PPP1CC: variants seen among roughly 807,000 people sequenced by gnomAD.
PPP1CC encodes protein phosphatase 1 catalytic subunit gamma.
PPP1CC carries 16 observed loss-of-function variants against 38.4 expected under a neutral mutation model. The ratio of observed to expected loss-of-function variants is 0.42; its 90% CI spans 0.28 to 0.63. The LOEUF is 0.63. PPP1CC is among the 30% of genes least tolerant of loss of function. The pLI is 0.25. For synonymous variants in PPP1CC, 158 were observed against 136.0 expected (o/e 1.16, Z -1.13); for missense variants, 170 against 391.3 (o/e 0.43, Z 4.77).
At chr12:110,741,261 A>T (rs2070014337) in intron 1 of PPP1CC, among the ~76,000 whole-genome samples, 1 of 152,192 alleles carries the variant, frequency 6.6e-6, no homozygotes, top group African/African-American at 2.4e-5. Flanking sequence ...AGATATTTTC[A>T]GGAGCTTCAT....
At chr12:110,712,416 G>C in the PPP1CC span, among the ~76,000 whole-genome samples, 78 of 151,808 alleles carry the variant, frequency 5.1e-4, 1 homozygote, top group African/African-American at 1.9e-3. Context: ...AAGGTGGGTG[G>C]ATGGCTTGAG....
At chr12:110,742,102 A>C (rs892257021) in intron 1 of PPP1CC, among the ~76,000 whole-genome samples, 6 of 152,178 alleles carry the variant, frequency 3.9e-5, no homozygotes, top group African/African-American at 7.2e-5. Context: ...ACCTCTTGAG[A>C]CATGAACGCT....
intron 6 of PPP1CC, chr12:110,721,507 C>A (rs929514769): frequency 5.5e-6 from 1 of 182,758 alleles, no homozygotes; most frequent in Non-Finnish European, 1.1e-5. Flanking sequence ...GGGATCCTTG[C>A]ACAATCTTTG....
chr12:110,737,298 TA>T (rs2069954124), intron 1 of PPP1CC, among the ~76,000 whole-genome samples: 1 of 150,326 alleles, frequency 6.7e-6, no homozygotes, highest in Non-Finnish European at 1.5e-5. Flanking sequence ...GCCAACATGG[TA>T]AAACCCCATC....
chr12:110,730,265 A>AGGAGGATTGCTTGAGCCTGGGAGGC (rs1254105772), intron 3 of PPP1CC, among the ~76,000 whole-genome samples: 2 of 152,240 alleles, frequency 1.3e-5, no homozygotes, highest in South Asian at 4.1e-4. Flanking sequence ...AGGCTGAGGC[A>AGGAGGATTGCTTGAGCCTGGGAGGC]GGAGGATTGC....
At chr12:110,726,804 C>CAAAAACA (rs2069804757) in intron 3 of PPP1CC, 1 of 152,026 alleles carries the variant, frequency 6.6e-6, no homozygotes, top group Admixed American at 6.5e-5. Context: ...AAATTAAAAA[C>CAAAAACA]AAAAACAAAA....
chr12:110,724,581 A>G (rs2069774396), intron 4 of PPP1CC, 79 bp downstream of exon 4: 2 of 817,354 alleles, frequency 2.4e-6, no homozygotes, highest in East Asian at 5.0e-5. Flanking sequence ...AGTCATCCCA[A>G]TGATAACTCA....
rs748044537 is a variant in PPP1CC at position 110,722,620 on chromosome 12, A to C, written c.599T>G (p.Leu200Arg). 2 of 1,614,204 alleles carry C rather than the reference A, an allele frequency of 1.2e-6. No individual in the cohort carries two copies. Among genetic ancestry groups the C allele is most frequent in the Middle Eastern group, 1.6e-4 (1 of 6,062 alleles). ...GTCAGACCACAAAAGATCACAAAGAAGACCTTGATCTGGTACATCAGTTGG... is the reference window on the plus strand; with the variant it reads ...GTCAGACCACAAAAGATCACAAAGACGACCTTGATCTGGTACATCAGTTGG... ...MRPTDVPDQG[L>R]LCDLLWSDPD... The change falls in exon 5 of 7, where the codon CTT becomes CGT. Residue 200 changes from leucine (L) to arginine (R), a missense_variant. By Grantham distance (102) the Leu-to-Arg change is moderately radical. Around this residue, in one of 3 missense-constraint regions of PPP1CC, gnomAD observed 117 missense variants for 344.4 expected, o/e 0.34. Coordinates refer to ENST00000335007, the MANE Select transcript of PPP1CC (RefSeq NM_002710.4). This position sits in a 1 kb window ranked among gnomAD's most constrained non-coding sequence, Gnocchi z 5.4.
In PPP1CC at chr12:110,741,861, C is replaced by T. The variant is rs565109942; in HGVS notation, c.55+792G>A. On this transcript the variant is annotated intron_variant, in intron 1 of 6. Transcript: ENST00000335007. ...TTAAATGAAATCTGTCTTAAGTGCT[C>T]AAAGAATGCCTGACACACAGTAAGC... 4.6e-5 allele frequency among the ~76,000 whole-genome samples: 7 copies of T among 151,978 alleles called. No individual in the cohort carries two copies. The South Asian group carries it at 1.5e-3, about 32-fold the overall frequency.
intron 3 of PPP1CC, among the ~76,000 whole-genome samples, chr12:110,728,840 T>C (rs565415085): frequency 6.6e-6 from 1 of 152,226 alleles, no homozygotes; most frequent in East Asian, 1.9e-4. Flanking sequence ...AAACATCCAG[T>C]TGTGGGAAAG....
chr12:110,741,645 A>C (rs2070018288), intron 1 of PPP1CC, among the ~76,000 whole-genome samples: 1 of 152,182 alleles, frequency 6.6e-6, no homozygotes, highest in African/African-American at 2.4e-5. Flanking sequence ...ACCTTTACTT[A>C]ACCACTGGCC....
rs1229048105 is a variant in PPP1CC, at chr12:110,742,832, C to G, written c.-125G>C. The G allele has an allele frequency of 1.5e-5, 9 of 606,262 alleles. No individual in the cohort carries two copies. The highest frequency in any genetic ancestry group is 6.0e-5 in the South Asian group (1 of 16,710). The allele number at this position is 606,262 out of a possible 1,614,324, so 37.6% of individuals were successfully genotyped here. A position where few individuals can be genotyped will look rare whatever the true frequency, so the allele number is the denominator to read the frequency against. On this transcript the variant is annotated 5_prime_UTR_variant, in exon 1 of 7. Transcript: ENST00000335007. ...GGCGGTGGCAGCAGCCGCGGCGGGT[C>G]CCCCCCCTGCCACCCCGCTCCCTAC... is the stretch of plus-strand genomic sequence containing the variant.
downstream of PPP1CC, among the ~76,000 whole-genome samples, chr12:110,715,821 A>G (rs1172704311): frequency 6.6e-6 from 1 of 151,788 alleles, no homozygotes; most frequent in Non-Finnish European, 1.5e-5. Flanking sequence ...GGATTTCTCC[A>G]TGTTGCCCAG....
At chr12:110,730,419 G>A in intron 3 of PPP1CC, 110 bp downstream of exon 3, 1 of 867,862 alleles carries the variant, frequency 1.2e-6, no homozygotes, top group Non-Finnish European at 1.8e-6. Flanking sequence ...CATGAGAGAT[G>A]ATACCACTGC....
intron 1 of PPP1CC, among the ~76,000 whole-genome samples, chr12:110,739,026 CA>C (rs2069980378): frequency 6.6e-6 from 1 of 152,156 alleles, no homozygotes; most frequent in Admixed American, 6.5e-5. Context: ...GCTCTGTAAA[CA>C]AATAATTACA....
At chr12:110,712,948 C>T in the PPP1CC span, among the ~76,000 whole-genome samples, 1 of 151,852 alleles carries the variant, frequency 6.6e-6, no homozygotes, top group Admixed American at 6.6e-5. Flanking sequence ...TGGCATATGC[C>T]TATAATCCCA....
In PPP1CC at chr12:110,731,941, A is replaced by T. The variant is rs1280401998; in HGVS notation, c.56-40T>A. On this transcript the variant is annotated intron_variant, in intron 1 of 6. Transcript: ENST00000335007. ...TCGCAATTAGTCCAATGAAGCCAAA[A>T]TACAAAATACAATACGAGATTTAGA... 5 of 1,598,330 alleles carry T rather than the reference A, an allele frequency of 3.1e-6. No individual in the cohort carries two copies. In the South Asian group the frequency reaches 4.5e-5, roughly 14 times the overall value.
At chr12:110,734,897 G>A (rs2069924710) in intron 1 of PPP1CC, 2 of 146,452 alleles carry the variant, frequency 1.4e-5, no homozygotes, top group Admixed American at 6.9e-5. Flanking sequence ...GGCTGAGGCA[G>A]AAGAATCGCT....
chr12:110,721,353 C>A, intron 6 of PPP1CC, 188 bp from the exon 7 acceptor site: 1 of 502,698 alleles, frequency 2.0e-6, no homozygotes, highest in Non-Finnish European at 3.6e-6. Flanking sequence ...CTATGACGAA[C>A]AGATAAAATC....
Sources: gnomAD v4.1 joint callset for allele counts (sites outside exome capture counted in the v4.1 genomes callset) on GRCh38, gnomAD v4.1.1 for gene constraint, gnomAD v4.1.1 regional missense constraint, Gnocchi (gnomAD v3.1) non-coding constraint, MANE v1.5 for transcripts, NCBI Gene and HGNC (gene_info 2026-07-23, HGNC 2026-07-21) for gene names.